MGST1: variants seen among roughly 807,000 people sequenced by gnomAD.
The protein encoded by MGST1 is microsomal glutathione S-transferase 1, also known as glutathione S-transferase 12.
A neutral mutation model predicts 8.9 loss-of-function variants in MGST1; 5 were observed. The observed-to-expected ratio is 0.56, with a 90% CI of 0.29 to 1.19. The LOEUF (loss-of-function observed/expected upper bound fraction) is 1.19, where lower values mean the gene tolerates loss of function less well. MGST1 is among the 50% of genes most tolerant of loss of function. The pLI is 0.08. For synonymous variants in MGST1, 54 were observed against 67.8 expected (o/e 0.80, Z 1.00); for missense variants, 182 against 187.4 (o/e 0.97, Z 0.17).
intron 1 of MGST1, among the ~76,000 whole-genome samples, chr12:16,428,571 C>CA (rs1310224478): frequency 1.3e-5 from 2 of 151,640 alleles, no homozygotes; most frequent in African/African-American, 4.8e-5. Context: ...ACTGATATTG[C>CA]ATCTGTATGA....
In MGST1 at chr12:16,543,233, A is replaced by T. The variant is rs557523326; in HGVS notation, n.483-46295A>T. On this transcript the variant is annotated intron_variant and non_coding_transcript_variant, in intron 4 of 4. Transcript: ENST00000538857. ...TACTGAGTTCATCTTGCTAAATATCAGAAGCAGAGGCTTCCCCAGTATAAA... is the reference window on the plus strand; with the variant it reads ...TACTGAGTTCATCTTGCTAAATATCTGAAGCAGAGGCTTCCCCAGTATAAA... 4.6e-5 allele frequency among the ~76,000 whole-genome samples: 7 copies of T among 152,314 alleles called. No homozygotes were observed. The South Asian group carries it at 1.4e-3, about 32-fold the overall frequency.
chr12:16,578,432 G>A (rs1943060080), intron 4 of MGST1, among the ~76,000 whole-genome samples: 1 of 152,200 alleles, frequency 6.6e-6, no homozygotes, highest in South Asian at 2.1e-4. Flanking sequence ...GGGAAGAGAA[G>A]AAGCAGTTGT....
At chr12:16,421,595 C>T (rs533798379) in intron 1 of MGST1, among the ~76,000 whole-genome samples, 1 of 152,260 alleles carries the variant, frequency 6.6e-6, no homozygotes, top group South Asian at 2.1e-4. Flanking sequence ...CTAATTCTTA[C>T]CTCACTTTTG....
Position 16,458,741 on chromosome 12 carries a change from C to G in MGST1, n.482+75137C>G, listed in dbSNP as rs192071969. Among the ~76,000 whole-genome samples, 12 of 152,086 alleles carry G rather than the reference C, an allele frequency of 7.9e-5. No homozygotes were observed. Among genetic ancestry groups the G allele is most frequent in the Admixed American group, 2.0e-4 (3 of 15,240 alleles). ...TACTGTAAACAGAGGTTTCATATGA[C>G]TGGAATTGCAGCTTGCCTGCTGCAG... On this transcript the variant is annotated intron_variant and non_coding_transcript_variant, in intron 4 of 4. Coordinates refer to the MGST1 transcript ENST00000538857. The surrounding 1 kb of genome is among the most constrained non-coding windows in gnomAD (Gnocchi z 4.0).
In MGST1 at chr12:16,589,423, T is replaced by TA. The variant is rs1384417965; in HGVS notation, n.483-99dup. ...TTTACTTTTACTTGTGACTTCACAG[T>TA]AAAAAATTAGGTCGTAGTGCAGATG... On this transcript the variant is annotated intron_variant and non_coding_transcript_variant, in intron 4 of 4. Coordinates refer to the MGST1 transcript ENST00000538857. The surrounding 1 kb of genome is among the most constrained non-coding windows in gnomAD (Gnocchi z 4.2). The TA allele has an allele frequency of 5.3e-5, 8 of 152,194 alleles. No homozygotes were observed. The East Asian group carries it at 5.8e-4, about 11-fold the overall frequency. 9.4% of individuals were successfully genotyped at this position (152,194 alleles called of 1,614,324 possible). A position where few individuals can be genotyped will look rare whatever the true frequency, so the allele number is the denominator to read the frequency against.
At chr12:16,521,166 C>A (rs1285745674) in intron 4 of MGST1, among the ~76,000 whole-genome samples, 1 of 152,052 alleles carries the variant, frequency 6.6e-6, no homozygotes, top group East Asian at 1.9e-4. Context: ...ATACTTAATG[C>A]AGCTGCTTTA....
chr12:16,508,088 C>G (rs1941552354), intron 4 of MGST1, among the ~76,000 whole-genome samples: 1 of 152,086 alleles, frequency 6.6e-6, no homozygotes, highest in African/African-American at 2.4e-5. Flanking sequence ...TACTTAGGGT[C>G]TCAGTGCCCA....
rs977792571 is a variant in MGST1, at chr12:16,458,182, G to A, written n.482+74578G>A. On this transcript the variant is annotated intron_variant and non_coding_transcript_variant, in intron 4 of 4. Coordinates refer to the MGST1 transcript ENST00000538857. This position sits in a 1 kb window ranked among gnomAD's most constrained non-coding sequence, Gnocchi z 4.0. ...AATAAAGATGGGAATGTTGTGCAGC[G>A]AAGGTGCCAGCTGATCTTTAATTGT... 2.7e-4 allele frequency among the ~76,000 whole-genome samples: 41 copies of A among 151,950 alleles called. No individual in the cohort carries two copies. The highest frequency in any genetic ancestry group is 5.9e-4 in the Admixed American group (9 of 15,222).
chr12:16,488,443 A>G (rs1281756071), intron 4 of MGST1, among the ~76,000 whole-genome samples: 1 of 151,954 alleles, frequency 6.6e-6, no homozygotes, highest in South Asian at 2.1e-4. Flanking sequence ...TCATATCTTG[A>G]TGTTCTCTCT....
In MGST1 at chr12:16,585,756, G is replaced by T. The variant is rs1047490963; in HGVS notation, n.483-3772G>T. Among the ~76,000 whole-genome samples, 7 of 152,164 alleles carry T rather than the reference G, an allele frequency of 4.6e-5. No homozygotes were observed. The highest frequency in any genetic ancestry group is 7.2e-5 in the African/African-American group (3 of 41,440). On this transcript the variant is annotated intron_variant and non_coding_transcript_variant, in intron 4 of 4. Coordinates refer to the MGST1 transcript ENST00000538857. The surrounding 1 kb of genome is among the most constrained non-coding windows in gnomAD (Gnocchi z 4.7). ...AAATATGGGTGAGAAATTACAAAAG[G>T]CTGGAGAATCAATTAACATATATAC...
At chr12:16,379,170 A>T (rs561470890), downstream of MGST1, among the ~76,000 whole-genome samples, 1 of 152,298 alleles carries the variant, frequency 6.6e-6, no homozygotes, top group South Asian at 2.1e-4. Context: ...CCTGGCCAGA[A>T]CTTCCAACAC....
At position 16,576,378 on chromosome 12, in the gene MGST1, G is replaced by A. The variant is rs1016558168; in HGVS notation, n.483-13150G>A. 2.0e-5 allele frequency among the ~76,000 whole-genome samples: 3 copies of A among 152,126 alleles called. No individual in the cohort carries two copies. The highest frequency in any genetic ancestry group is 4.8e-5 in the African/African-American group (2 of 41,430). On this transcript the variant is annotated intron_variant and non_coding_transcript_variant, in intron 4 of 4. Transcript: ENST00000538857. The surrounding 1 kb of genome is among the most constrained non-coding windows in gnomAD (Gnocchi z 4.1). ...CTCAGCATCTACTTTCACACCTGAT[G>A]TCCTACCACTCCTGCCTGCTGAGTT...
intron 4 of MGST1, among the ~76,000 whole-genome samples, chr12:16,583,431 T>C (rs933133901): frequency 1.3e-5 from 2 of 151,988 alleles, no homozygotes; most frequent in African/African-American, 4.8e-5. Context: ...AGTCAAGTAA[T>C]TGTAGAAAAG....
intron 4 of MGST1, among the ~76,000 whole-genome samples, chr12:16,533,866 C>T (rs764174060): frequency 1.2e-4 from 18 of 152,092 alleles, no homozygotes; most frequent in Non-Finnish European, 2.4e-4. Context: ...AGGTACCTGG[C>T]AGGTGAGTTA....
chr12:16,429,236 T>G (rs1940919159), intron 1 of MGST1, among the ~76,000 whole-genome samples: 1 of 152,168 alleles, frequency 6.6e-6, no homozygotes, highest in African/African-American at 2.4e-5. Flanking sequence ...TTTACATAAA[T>G]CATAATTCAG....
intron 3 of MGST1, chr12:16,360,242 ATCT>A (rs1939927276): frequency 1.6e-6 from 1 of 620,944 alleles, no homozygotes; most frequent in Non-Finnish European, 2.0e-6. Context: ...CGTTTCCAGC[ATCT>A]TCCCTTTCCA....
chr12:16,552,083 G>A (rs574311143), intron 4 of MGST1, among the ~76,000 whole-genome samples: 5 of 152,018 alleles, frequency 3.3e-5, no homozygotes, highest in Non-Finnish European at 7.4e-5. Flanking sequence ...ATAAAGCATT[G>A]TTTAATGTGC....
In MGST1 at chr12:16,496,967, T is replaced by G. The variant is rs115288490; in HGVS notation, n.483-92561T>G. Among the ~76,000 whole-genome samples, 869 of 152,220 alleles carry G rather than the reference T, an allele frequency of 5.7e-3. 7 individuals carry two copies. Among genetic ancestry groups the G allele is most frequent in the African/African-American group, 0.02 (831 of 41,542 alleles). On this transcript the variant is annotated intron_variant and non_coding_transcript_variant, in intron 4 of 4. Coordinates refer to the MGST1 transcript ENST00000538857. ...AAAAAGCACTGACAAACCACAAAGATTTCTAAAGCTTAGCAGCTATTAATT... is the reference window on the plus strand; with the variant it reads ...AAAAAGCACTGACAAACCACAAAGAGTTCTAAAGCTTAGCAGCTATTAATT...
chr12:16,487,326 A>G (rs759095712), intron 4 of MGST1, among the ~76,000 whole-genome samples: 6 of 152,252 alleles, frequency 3.9e-5, no homozygotes, highest in Non-Finnish European at 5.9e-5. Context: ...AGAAAACTTT[A>G]TAGTTGAATT....
Sources: gnomAD v4.1 joint callset for allele counts (sites outside exome capture counted in the v4.1 genomes callset) on GRCh38, gnomAD v4.1.1 for gene constraint, Gnocchi (gnomAD v3.1) non-coding constraint, MANE v1.5 for transcripts, NCBI Gene and HGNC (gene_info 2026-07-23, HGNC 2026-07-21) for gene names.